Variants in SLCO5A1 observed in about 807,000 individuals in gnomAD.
SLCO5A1 encodes the protein organic anion transporter polypeptide-related protein 4.
SLCO5A1 carries 39 observed loss-of-function variants against 65.1 expected under a neutral mutation model. That is an observed-to-expected ratio of 0.60 (90% CI 0.46 to 0.78). SLCO5A1 has a LOEUF of 0.78. Ranked by LOEUF, SLCO5A1 falls within the 30% of genes least tolerant of loss-of-function variation. SLCO5A1 has a pLI of 0.00. For missense variants in SLCO5A1, 1,029 were observed against 1,069.4 expected (o/e 0.96, Z 0.53); for synonymous variants, 438 against 415.7 (o/e 1.05, Z -0.65).
At chr8:69,728,984 A>G (rs1333845689) in intron 5 of SLCO5A1, among the ~76,000 whole-genome samples, 1 of 152,188 alleles carries the variant, frequency 6.6e-6, no homozygotes, top group Non-Finnish European at 1.5e-5. Flanking sequence ...GATTCCTTGC[A>G]GATATACGAC....
rs576259698 is a variant in SLCO5A1 at position 69,677,316 on chromosome 8, G to A, written c.2025-643C>T. 5.9e-5 allele frequency among the ~76,000 whole-genome samples: 9 copies of A among 152,246 alleles called. No homozygotes were observed. In the East Asian group the frequency reaches 1.4e-3, roughly 23 times the overall value. ...GGTTCTGTAATTAGCAAAGATTAAAGGGCTCCTTTTCTGAAATTTTAGGTT... is the reference window on the plus strand; with the variant it reads ...GGTTCTGTAATTAGCAAAGATTAAAAGGCTCCTTTTCTGAAATTTTAGGTT... On this transcript the variant is annotated intron_variant, in intron 8 of 9. Transcript: ENST00000260126.
At chr8:69,735,391 T>G (rs1227406505) in intron 5 of SLCO5A1, among the ~76,000 whole-genome samples, 1 of 152,168 alleles carries the variant, frequency 6.6e-6, no homozygotes, top group African/African-American at 2.4e-5. Context: ...GCAGCATTAT[T>G]TACAATAGCA....
chr8:69,831,757 A>G lies in SLCO5A1; in HGVS notation c.907+10T>C. 1 of 1,607,054 alleles carries G rather than the reference A, an allele frequency of 6.2e-7. No homozygotes were observed. Among genetic ancestry groups the G allele is most frequent in the Admixed American group, 1.7e-5 (1 of 57,966 alleles). On this transcript the variant is annotated intron_variant, in intron 2 of 9. Transcript: ENST00000260126. ...AGTGAAACATATCTGAGAGAACAGG[A>G]AAGTCTTACCTAGGTACAAGGAGGA...
intron 5 of SLCO5A1, among the ~76,000 whole-genome samples, chr8:69,725,670 TCAAATCCTCATTGTAGAGATG>T (rs1216887078): frequency 6.6e-6 from 1 of 152,142 alleles, no homozygotes; most frequent in Non-Finnish European, 1.5e-5. Flanking sequence ...ATTGTCTAAT[TCAAATCCTCATTGTAGAGATG>T]CAAACCCTAA....
chr8:69,806,874 G>C (rs16936448), intron 2 of SLCO5A1, among the ~76,000 whole-genome samples: 9,423 of 152,310 alleles, frequency 0.062, 442 homozygotes, highest in East Asian at 0.25. Flanking sequence ...ATGATGTAGA[G>C]TGGGAAAACA....
chr8:69,678,985 C>T (rs541278898), intron 8 of SLCO5A1, among the ~76,000 whole-genome samples: 87 of 152,272 alleles, frequency 5.7e-4, no homozygotes, highest in African/African-American at 1.9e-3. Flanking sequence ...TTGCTGTATG[C>T]ACGATTTAGC....
intron 2 of SLCO5A1, among the ~76,000 whole-genome samples, chr8:69,807,147 T>A (rs2380602): frequency 0.34 from 51,596 of 152,084 alleles, 8,800 homozygotes; most frequent in South Asian, 0.41. Context: ...TGGCCACATC[T>A]GTGATCAGTG....
chr8:69,687,054 G>A (rs1234882486), intron 6 of SLCO5A1, among the ~76,000 whole-genome samples: 4 of 148,878 alleles, frequency 2.7e-5, no homozygotes, highest in Non-Finnish European at 6.0e-5. Context: ...GTATCTTTCC[G>A]CACTTAACAG....
chr8:69,744,298 G>C lies in SLCO5A1; in HGVS notation c.1259-6094C>G, dbSNP rs76312824. ...TGCGCCAGGCCTGTGAGAGCGGGCT[G>C]CTGCCTGCCCTTCCACTCTGTAGTC... On this transcript the variant is annotated intron_variant, in intron 4 of 9. Coordinates refer to ENST00000260126, the MANE Select transcript of SLCO5A1 (RefSeq NM_030958.3). 1.4e-4 allele frequency among the ~76,000 whole-genome samples: 21 copies of C among 152,330 alleles called. No homozygotes were observed. The East Asian group carries it at 3.9e-3, about 28-fold the overall frequency.
intron 2 of SLCO5A1, among the ~76,000 whole-genome samples, chr8:69,774,788 T>C (rs1326189538): frequency 6.6e-6 from 1 of 152,200 alleles, no homozygotes; most frequent in Non-Finnish European, 1.5e-5. Flanking sequence ...CTTGTATGTG[T>C]TTGGTGACAC....
chr8:69,707,239 T>A (rs558065800), intron 5 of SLCO5A1, among the ~76,000 whole-genome samples: 1 of 152,136 alleles, frequency 6.6e-6, no homozygotes. Context: ...TAATAGAAAT[T>A]AGAATACAAT....
rs1817399359 is a variant in SLCO5A1 at position 69,753,272 on chromosome 8, GC to G, written c.1258+2151del. ...CTCAGAATTGCCTACCCCAAGAGGG[GC>G]AGGAGCTGCGGTGTTCATCCAGTCA... On this transcript the variant is annotated intron_variant, in intron 4 of 9. Transcript: ENST00000260126. Among the ~76,000 whole-genome samples, 4 of 152,190 alleles carry G rather than the reference GC, an allele frequency of 2.6e-5. No individual in the cohort carries two copies. In the South Asian group the frequency reaches 8.3e-4, roughly 32 times the overall value.
chr8:69,811,786 A>C (rs1296677058), intron 2 of SLCO5A1, among the ~76,000 whole-genome samples: 2 of 152,238 alleles, frequency 1.3e-5, no homozygotes, highest in Non-Finnish European at 2.9e-5. Context: ...GCTGTGTTTT[A>C]AGTGCATCCT....
chr8:69,703,125 GAAAAA>G (rs1814824548), intron 6 of SLCO5A1, among the ~76,000 whole-genome samples: 1 of 76,238 alleles, frequency 1.3e-5, no homozygotes, highest in Non-Finnish European at 3.2e-5. Context: ...AAAAAAAAAA[GAAAAA>G]AGAAAAAAAG....
At chr8:69,765,202 A>C (rs1309270532) in intron 2 of SLCO5A1, among the ~76,000 whole-genome samples, 1 of 152,040 alleles carries the variant, frequency 6.6e-6, no homozygotes, top group African/African-American at 2.4e-5. Flanking sequence ...GTGTGTATAC[A>C]GATACATATA....
chr8:69,772,839 G>A (rs1818391453), intron 2 of SLCO5A1: 10 of 705,730 alleles, frequency 1.4e-5, no homozygotes, highest in Non-Finnish European at 1.7e-5. Flanking sequence ...TGTGATGCAA[G>A]GCACTGGGAC....
intron 3 of SLCO5A1, among the ~76,000 whole-genome samples, chr8:69,760,532 G>T (rs1277778113): frequency 6.6e-6 from 1 of 152,104 alleles, no homozygotes; most frequent in East Asian, 1.9e-4. Flanking sequence ...TTTTTAGAAA[G>T]TAATTACTTT....
At chr8:69,695,857 C>T (rs1225422520) in intron 6 of SLCO5A1, among the ~76,000 whole-genome samples, 1 of 152,108 alleles carries the variant, frequency 6.6e-6, no homozygotes, top group African/African-American at 2.4e-5. Flanking sequence ...ATAACTTCAC[C>T]TGTAACTAAT....
At position 69,670,142 on chromosome 8, in the gene SLCO5A1, T is replaced by C. The variant is rs1454058821; in HGVS notation, c.*2727A>G. The C allele has an allele frequency of 6.6e-6, 1 of 152,212 alleles. No individual in the cohort carries two copies. 9.4% of individuals were successfully genotyped at this position (152,212 alleles called of 1,614,324 possible). A position where few individuals can be genotyped will look rare whatever the true frequency, so the allele number is the denominator to read the frequency against. ...AACTCAAGGATATTGTATTTGCATA[T>C]TAAAGCTAAATAATATATGAATTTA... On this transcript the variant is annotated 3_prime_UTR_variant, in exon 10 of 10. Transcript: ENST00000260126.
Sources: allele counts gnomAD v4.1 joint callset (sites outside exome capture counted in the v4.1 genomes callset), GRCh38; gene constraint gnomAD v4.1.1; transcripts MANE v1.5; gene names NCBI Gene and HGNC (gene_info 2026-07-23, HGNC 2026-07-21).